ANAPC1: variants seen among roughly 807,000 people sequenced by gnomAD.
ANAPC1 encodes the protein anaphase promoting complex subunit 1.
In ANAPC1, 36 loss-of-function variants were observed where a neutral mutation model predicts 208.0. That is an observed-to-expected ratio of 0.17 (90% confidence interval 0.13 to 0.23). ANAPC1 has a LOEUF of 0.23. Among genes scored for constraint, ANAPC1 ranks in the 10% least tolerant of loss-of-function variants. The pLI is 1.00. For synonymous variants in ANAPC1, 378 were observed against 695.2 expected, an observed-to-expected ratio of 0.54 and a Z score of 7.18; for missense variants, 942 against 2,011.6, an observed-to-expected ratio of 0.47 and a Z score of 10.17.
chr2:111,779,682 T>G (rs1353343189), intron 44 of ANAPC1: 1 of 153,720 alleles, frequency 6.5e-6, no homozygotes, highest in African/African-American at 2.4e-5. Context: ...ACAAAAAATT[T>G]TTTTAAAAAA....
intron 7 of ANAPC1, among the ~76,000 whole-genome samples, chr2:111,867,750 T>A (rs1300046893): frequency 6.6e-6 from 1 of 151,734 alleles, no homozygotes; most frequent in South Asian, 2.1e-4. Context: ...CTAAGTATCA[T>A]TCATTTACTT....
chr2:111,777,402 C>A lies in ANAPC1; in HGVS notation c.5386-345G>T, dbSNP rs560291440. On this transcript the variant is annotated intron_variant, in intron 45 of 47. Transcript: ENST00000341068. Reference sequence around the variant, plus strand: ...TGGGTACAATGACATGGCAGAGATCCCAGGGGGTAGAGGGCAAGAAGAACA... The same window carrying A: ...TGGGTACAATGACATGGCAGAGATCACAGGGGGTAGAGGGCAAGAAGAACA... 8.9e-3 allele frequency among the ~76,000 whole-genome samples: 1,352 copies of A among 151,846 alleles called. 22 individuals are homozygous for A. Among genetic ancestry groups the A allele is most frequent in the African/African-American group, 0.031 (1,295 of 41,348 alleles).
Position 111,825,027 on chromosome 2 carries a change from G to C in ANAPC1, c.2751C>G (p.Phe917Leu). ...GACTAGAAACAGATGTAGAATGCCT[G>C]AAACTAAACCTATAAGAGAATAAAA... ...QVEQEENRFSFRHSTSVSSLA... is the reference protein window; with the variant it reads ...QVEQEENRFSLRHSTSVSSLA... Residue 917 changes from phenylalanine (F) to leucine (L), a missense_variant, in exon 24 of 48, where the codon TTC becomes TTG. Phe to Leu is a conservative substitution (Grantham distance 22). Transcript: ENST00000341068. 2 of 1,613,896 alleles carry C rather than the reference G, an allele frequency of 1.2e-6. No homozygotes were observed. The highest frequency in any genetic ancestry group is 1.7e-5 in the Admixed American group (1 of 60,000).
chr2:111,855,504 C>G (rs561352159), intron 13 of ANAPC1, among the ~76,000 whole-genome samples: 2 of 152,238 alleles, frequency 1.3e-5, no homozygotes, highest in East Asian at 1.9e-4. Flanking sequence ...CGATGGAATA[C>G]TATTAAATAT....
At chr2:111,863,447 G>A (rs1315153005) in intron 9 of ANAPC1, among the ~76,000 whole-genome samples, 1 of 147,530 alleles carries the variant, frequency 6.8e-6, no homozygotes, top group Non-Finnish European at 1.5e-5. Flanking sequence ...GGGAGGCAGA[G>A]TTTGCAGTGA....
At chr2:111,851,665 G>A (rs1273862826) in intron 13 of ANAPC1, among the ~76,000 whole-genome samples, 1 of 151,782 alleles carries the variant, frequency 6.6e-6, no homozygotes, top group Non-Finnish European at 1.5e-5. Flanking sequence ...AAAAAAATTA[G>A]CCGGGCGTGG....
At chr2:111,856,269 T>C (rs767765348) in intron 13 of ANAPC1, 2 of 206,940 alleles carry the variant, frequency 9.7e-6, no homozygotes, top group East Asian at 1.3e-4. Context: ...ACATTTAATA[T>C]AGTGAAACTT....
chr2:111,824,821 A>G, intron 24 of ANAPC1, 145 bp downstream of exon 24: 4 of 881,592 alleles, frequency 4.5e-6, no homozygotes, highest in Non-Finnish European at 6.9e-6. Flanking sequence ...ATTGTCGAGA[A>G]AAAAAGAATA....
At chr2:111,856,138 G>A (rs556793278) in intron 13 of ANAPC1, among the ~76,000 whole-genome samples, 2 of 152,318 alleles carry the variant, frequency 1.3e-5, no homozygotes, top group East Asian at 3.9e-4. Flanking sequence ...GGGAGGCTGA[G>A]GCAGGAGAAT....
chr2:111,857,036 A>G (rs1225546646), intron 11 of ANAPC1, 150 bp from the exon 12 acceptor site: 8 of 580,784 alleles, frequency 1.4e-5, no homozygotes, highest in Admixed American at 3.0e-5. Flanking sequence ...AATTATCAAG[A>G]TGGAGAATTA....
In ANAPC1 at chr2:111,873,291, T is replaced by G; in HGVS notation, c.528+17A>C. The G allele has an allele frequency of 6.3e-7, 1 of 1,583,836 alleles. No individual in the cohort carries two copies. Among genetic ancestry groups the G allele is most frequent in the Non-Finnish European group, 8.6e-7 (1 of 1,168,340 alleles). On this transcript the variant is annotated intron_variant, in intron 5 of 47. Transcript: ENST00000341068. ...TTCTCCAACAAAACCCCCCCAAAAT[T>G]TGAAACACTTGTTTACCTGAAATGG...
chr2:111,867,930 A>G (rs1489222202), intron 7 of ANAPC1, 93 bp downstream of exon 7: 3 of 706,608 alleles, frequency 4.2e-6, no homozygotes, highest in African/African-American at 1.8e-5. Context: ...CATTATTTTT[A>G]TAAGTCAGTT....
intron 18 of ANAPC1, among the ~76,000 whole-genome samples, chr2:111,836,993 C>G (rs35212506): frequency 0.18 from 26,736 of 150,514 alleles, 2,797 homozygotes; most frequent in Middle Eastern, 0.3. Flanking sequence ...AAATATATAT[C>G]CACAAAGACT....
chr2:111,792,598 A>T (rs770911421), intron 37 of ANAPC1, 43 bp from the exon 38 acceptor site: 11 of 1,572,718 alleles, frequency 7.0e-6, no homozygotes, highest in Non-Finnish European at 8.6e-6. Flanking sequence ...GTTGTGTTAC[A>T]TTTCTTTATT....
chr2:111,787,176 C>A (rs1255394312), intron 39 of ANAPC1, among the ~76,000 whole-genome samples: 2 of 151,870 alleles, frequency 1.3e-5, no homozygotes, highest in East Asian at 3.9e-4. Context: ...ATTCTTGTCA[C>A]CAAATGGAAA....
chr2:111,851,893 A>C (rs994767299), intron 13 of ANAPC1, among the ~76,000 whole-genome samples: 3 of 152,148 alleles, frequency 2.0e-5, no homozygotes, highest in Non-Finnish European at 4.4e-5. Flanking sequence ...AAAAACAGAA[A>C]TTCACATCTG....
intron 6 of ANAPC1, among the ~76,000 whole-genome samples, chr2:111,868,556 A>C (rs1199839767): frequency 6.6e-6 from 1 of 152,050 alleles, no homozygotes; most frequent in Non-Finnish European, 1.5e-5. Flanking sequence ...TCTGAGATGG[A>C]GTCTCACTCT....
In ANAPC1 at chr2:111,864,938, T is replaced by C; in HGVS notation, c.699A>G (p.Ser233=). 1 of 1,610,700 alleles carries C rather than the reference T, an allele frequency of 6.2e-7. No individual in the cohort carries two copies. Among genetic ancestry groups the C allele is most frequent in the East Asian group, 2.2e-5 (1 of 44,858 alleles). ...LVCKSGSLFG[S]SRVQYVVDHA... ...GATCTACAACATATTGCACCCGTGA[T>C]GAACCAAAAAGACCTTAAAAATAAA... The change falls in exon 8 of 48, where the codon TCA becomes TCG. Residue 233 remains serine (S), a synonymous_variant. Transcript: ENST00000341068.
intron 1 of ANAPC1, among the ~76,000 whole-genome samples, chr2:111,881,130 A>G (rs1249870217): frequency 6.6e-6 from 1 of 151,816 alleles, no homozygotes; most frequent in Non-Finnish European, 1.5e-5. Context: ...TCCCACTACT[A>G]TACGCTAATT....
Sources: gnomAD v4.1 joint callset for allele counts (sites outside exome capture counted in the v4.1 genomes callset) on GRCh38, gnomAD v4.1.1 for gene constraint, MANE v1.5 for transcripts, NCBI Gene and HGNC (gene_info 2026-07-23, HGNC 2026-07-21) for gene names.